TECRL: variants seen among roughly 807,000 people sequenced by gnomAD.
TECRL encodes the protein trans-2,3-enoyl-CoA reductase like, also known as trans-2,3-enoyl-CoA reductase-like.
TECRL carries 63 observed loss-of-function variants against 52.8 expected under a neutral mutation model. The observed-to-expected ratio is 1.19, with a 90% CI of 0.97 to 1.47. The LOEUF (loss-of-function observed/expected upper bound fraction) is 1.47. Among genes scored for constraint, TECRL ranks in the 40% most tolerant of loss-of-function variants. The pLI, the probability that TECRL is intolerant of heterozygous loss-of-function variation, is 0.00. For missense variants in TECRL, 482 were observed against 429.6 expected (o/e 1.12, Z -1.08); for synonymous variants, 164 against 141.9 (o/e 1.16, Z -1.10).
chr4:64,374,052 C>CATATATATATATAGTAGATACATAT (rs1553919039), intron 2 of TECRL, among the ~76,000 whole-genome samples: 18 of 105,986 alleles, frequency 1.7e-4, no homozygotes, highest in African/African-American at 6.3e-4. Flanking sequence ...ATAGTAGATA[C>CATATATATATATAGTAGATACATAT]ATATATATAT....
intron 7 of TECRL, among the ~76,000 whole-genome samples, chr4:64,302,608 AG>A (rs1724086722): frequency 6.6e-6 from 1 of 150,890 alleles, no homozygotes; most frequent in Non-Finnish European, 1.5e-5. Flanking sequence ...TCTAATTTTG[AG>A]GGTAAAATGA....
At chr4:64,293,986 T>C (rs1264530638) in intron 8 of TECRL, among the ~76,000 whole-genome samples, 1 of 138,384 alleles carries the variant, frequency 7.2e-6, no homozygotes, top group Non-Finnish European at 1.6e-5. Context: ...ATATAAAATA[T>C]ATATATATAT....
At chr4:64,294,992 C>G (rs1723598214) in intron 8 of TECRL, among the ~76,000 whole-genome samples, 1 of 151,808 alleles carries the variant, frequency 6.6e-6, no homozygotes, top group African/African-American at 2.4e-5. Flanking sequence ...CTTCAGCATT[C>G]ATAAACATTT....
chr4:64,305,837 A>G (rs530495047), intron 6 of TECRL, among the ~76,000 whole-genome samples: 21 of 152,182 alleles, frequency 1.4e-4, no homozygotes, highest in Middle Eastern at 3.4e-3. Context: ...CCCACAAAAG[A>G]CTTCCTTGTC....
At chr4:64,341,369 G>A (rs113125066) in intron 2 of TECRL, among the ~76,000 whole-genome samples, 2,175 of 152,214 alleles carry the variant, frequency 0.014, 65 homozygotes, top group African/African-American at 0.049. Context: ...GGGAGGTTGG[G>A]GTGTGTGGAT....
At position 64,277,915 on chromosome 4, in the gene TECRL, G is replaced by A. The variant is rs1577784068; in HGVS notation, c.*2157C>T. 6.6e-6 allele frequency: 1 copy of A among 151,546 alleles called. No individual in the cohort carries two copies. The highest frequency in any genetic ancestry group is 1.5e-5 in the Non-Finnish European group (1 of 67,676). 9.4% of individuals were successfully genotyped at this position (151,546 alleles called of 1,614,324 possible). On this transcript the variant is annotated 3_prime_UTR_variant, in exon 12 of 12. Coordinates refer to ENST00000381210, the MANE Select transcript of TECRL (RefSeq NM_001010874.5). Reference sequence around the variant, plus strand: ...TCATACACACACACACATGCACATAGGCTTTCATAGAAGATAGGTATTTAA... The same window carrying A: ...TCATACACACACACACATGCACATAAGCTTTCATAGAAGATAGGTATTTAA...
At chr4:64,358,528 T>C (rs1238410729) in intron 2 of TECRL, among the ~76,000 whole-genome samples, 1 of 151,706 alleles carries the variant, frequency 6.6e-6, no homozygotes, top group Non-Finnish European at 1.5e-5. Flanking sequence ...AAAATTTGTG[T>C]CTATCAGAAG....
chr4:64,389,364 C>T (rs10011307), intron 1 of TECRL, among the ~76,000 whole-genome samples: 135,874 of 151,852 alleles, frequency 0.89, 61,486 homozygotes, highest in East Asian at 1. Context: ...TCTGTATCTG[C>T]TGATAAAATT....
intron 2 of TECRL, among the ~76,000 whole-genome samples, chr4:64,330,789 G>A (rs1718585428): frequency 6.6e-6 from 1 of 152,138 alleles, no homozygotes; most frequent in East Asian, 1.9e-4. Context: ...AAGAAAAACA[G>A]AATTATATTT....
Position 64,395,446 on chromosome 4 carries a change from ACG to A in TECRL, c.234+13670_234+13671del, listed in dbSNP as rs760201219. On this transcript the variant is annotated intron_variant, in intron 1 of 11. Transcript: ENST00000381210. ...ACTTTAGTGAAAAGGAACAACTAAC[ACG>A]ATCACAATGTGTTATATTTAAGTAC... is the stretch of plus-strand genomic sequence containing the variant. Among the ~76,000 whole-genome samples, 581 of 152,250 alleles carry A rather than the reference ACG, an allele frequency of 3.8e-3. 1 individual carries two copies. The highest frequency in any genetic ancestry group is 6.3e-3 in the Non-Finnish European group (431 of 68,020).
downstream of TECRL, chr4:64,276,406 C>G (rs1278091179): frequency 1.3e-4 from 20 of 151,734 alleles, no homozygotes; most frequent in Non-Finnish European, 1.5e-5. Context: ...CAATAAGTAA[C>G]TGTGGTAGTA....
chr4:64,387,408 C>A (rs1172281762), intron 1 of TECRL, among the ~76,000 whole-genome samples: 4 of 152,066 alleles, frequency 2.6e-5, no homozygotes, highest in Non-Finnish European at 5.9e-5. Flanking sequence ...AAGTTTTCAG[C>A]TCATTTGAGT....
chr4:64,297,831 T>C (rs1309058858), intron 8 of TECRL, among the ~76,000 whole-genome samples: 1 of 151,098 alleles, frequency 6.6e-6, no homozygotes, highest in Non-Finnish European at 1.5e-5. Context: ...TTGGATTCAG[T>C]TTCCTAACAC....
chr4:64,309,980 G>C, intron 5 of TECRL, 49 bp from the exon 6 acceptor site: 1 of 1,262,846 alleles, frequency 7.9e-7, no homozygotes, highest in Non-Finnish European at 1.1e-6. Context: ...TGAAGTTCTG[G>C]CTTGCCTCAT....
intron 9 of TECRL, among the ~76,000 whole-genome samples, chr4:64,282,549 G>A (rs17084626): frequency 0.017 from 2,572 of 151,962 alleles, 103 homozygotes; most frequent in African/African-American, 0.058. Context: ...ACACCTTTGT[G>A]TAATGTCCTA....
intron 6 of TECRL, 86 bp downstream of exon 6, chr4:64,309,740 C>A: frequency 2.3e-6 from 2 of 883,246 alleles, no homozygotes; most frequent in South Asian, 1.5e-5. Context: ...ATCTAAGTTT[C>A]GGAAGGAAAC....
rs111353441 is a variant in TECRL, at chr4:64,382,105, G to A, written c.235-6882C>T. 8.6e-3 allele frequency among the ~76,000 whole-genome samples: 1,295 copies of A among 150,166 alleles called. 28 individuals are homozygous for A. The highest frequency in any genetic ancestry group is 0.03 in the African/African-American group (1,233 of 40,722). On this transcript the variant is annotated intron_variant, in intron 1 of 11. Transcript: ENST00000381210. ...TGAGAGATGTTTTATTACTGATTCAGTTTTGTTACTCATTATTGGTCTTCA... is the reference window on the plus strand; with the variant it reads ...TGAGAGATGTTTTATTACTGATTCAATTTTGTTACTCATTATTGGTCTTCA...
chr4:64,293,454 C>T (rs1458420754), intron 8 of TECRL, among the ~76,000 whole-genome samples: 1 of 151,988 alleles, frequency 6.6e-6, no homozygotes, highest in Non-Finnish European at 1.5e-5. Context: ...AAAATACACC[C>T]TGTTAAATCT....
At chr4:64,384,028 C>G (rs1326754510) in intron 1 of TECRL, among the ~76,000 whole-genome samples, 1 of 151,890 alleles carries the variant, frequency 6.6e-6, no homozygotes, top group Non-Finnish European at 1.5e-5. Context: ...TACTCAGAGG[C>G]TTAGGCTGCA....
Sources: allele counts gnomAD v4.1 joint callset (sites outside exome capture counted in the v4.1 genomes callset), GRCh38; gene constraint gnomAD v4.1.1; transcripts MANE v1.5; gene names NCBI Gene and HGNC (gene_info 2026-07-23, HGNC 2026-07-21).